The following CCDC158 variants were observed in gnomAD, a reference collection of about 807,000 sequenced individuals.
The protein encoded by CCDC158 is coiled-coil domain containing 158.
A neutral mutation model predicts 138.6 loss-of-function variants in CCDC158; 116 were observed. The observed-to-expected ratio is 0.84, with a 90% CI of 0.72 to 0.98. The LOEUF is 0.98. Ranked by LOEUF, CCDC158 falls within the 50% of genes least tolerant of loss-of-function variation. The pLI is 0.00. For missense variants in CCDC158, 1,265 were observed against 1,306.1 expected, an observed-to-expected ratio of 0.97 and a Z score of 0.48; for synonymous variants, 436 against 442.4, an observed-to-expected ratio of 0.99 and a Z score of 0.18.
intron 18 of CCDC158, among the ~76,000 whole-genome samples, chr4:76,346,281 C>T (rs1303293086): frequency 6.6e-6 from 1 of 152,142 alleles, no homozygotes; most frequent in Non-Finnish European, 1.5e-5. Flanking sequence ...ACCATAAAAA[C>T]CCTAGAAGAG....
intron 24 of CCDC158, among the ~76,000 whole-genome samples, chr4:76,317,893 C>T (rs1410875162): frequency 1.3e-5 from 2 of 152,100 alleles, no homozygotes; most frequent in Non-Finnish European, 2.9e-5. Flanking sequence ...ATTGAATAAT[C>T]TACTCTGGAA....
intron 12 of CCDC158, among the ~76,000 whole-genome samples, chr4:76,363,497 C>A (rs1724361404): frequency 6.6e-6 from 1 of 152,122 alleles, no homozygotes; most frequent in Non-Finnish European, 1.5e-5. Context: ...AACCTGGGGT[C>A]GGTCTTGGGG....
At chr4:76,380,159 G>T (rs1726098827) in intron 8 of CCDC158, among the ~76,000 whole-genome samples, 1 of 152,186 alleles carries the variant, frequency 6.6e-6, no homozygotes, top group Admixed American at 6.5e-5. Context: ...GTGGGGCACT[G>T]CTATAAAGAT....
chr4:76,414,320 G>A (rs1480438356), intron 1 of CCDC158: 1 of 152,066 alleles, frequency 6.6e-6, no homozygotes, highest in Non-Finnish European at 1.5e-5. Context: ...GGTGTTTCAA[G>A]TATCTTCATC....
In CCDC158 at chr4:76,372,312, G is replaced by C. The variant is rs554268291; in HGVS notation, c.1030-776C>G. 3.3e-5 allele frequency among the ~76,000 whole-genome samples: 5 copies of C among 152,252 alleles called. No homozygotes were observed. In the East Asian group the frequency reaches 5.8e-4, roughly 18 times the overall value. Reference sequence around the variant, plus strand: ...TTTTAAAGGTTAGCTGGCCATGGTGGTGCACACCTGGGGTCCCAGCTACTT... The same window carrying C: ...TTTTAAAGGTTAGCTGGCCATGGTGCTGCACACCTGGGGTCCCAGCTACTT... On this transcript the variant is annotated intron_variant, in intron 9 of 24. Transcript: ENST00000682701.
intron 4 of CCDC158, among the ~76,000 whole-genome samples, chr4:76,395,809 C>T (rs115282893): frequency 0.011 from 1,613 of 152,252 alleles, 26 homozygotes; most frequent in African/African-American, 0.037. Flanking sequence ...TTTGATTCTA[C>T]GTAATGTCCA....
At chr4:76,368,013 G>T (rs917075075) in intron 11 of CCDC158, among the ~76,000 whole-genome samples, 1 of 151,862 alleles carries the variant, frequency 6.6e-6, no homozygotes, top group African/African-American at 2.4e-5. Context: ...TTTCAGGGAT[G>T]AGCCACTGTA....
chr4:76,318,582 T>C (rs1719634418), intron 24 of CCDC158, among the ~76,000 whole-genome samples: 1 of 152,088 alleles, frequency 6.6e-6, no homozygotes, highest in African/African-American at 2.4e-5. Context: ...CTATCAGGCA[T>C]TAAAAAAGGA....
At chr4:76,402,968 C>A (rs1728529872) in intron 3 of CCDC158, among the ~76,000 whole-genome samples, 170 bp downstream of exon 3, 1 of 152,136 alleles carries the variant, frequency 6.6e-6, no homozygotes, top group Non-Finnish European at 1.5e-5. Flanking sequence ...CCTTAAAAGA[C>A]AAAGGAATCT....
At chr4:76,388,457 C>G (rs563304700) in intron 4 of CCDC158, among the ~76,000 whole-genome samples, 1 of 152,282 alleles carries the variant, frequency 6.6e-6, no homozygotes, top group South Asian at 2.1e-4. Context: ...TGGCAGAAAC[C>G]CCATGGACTA....
intron 9 of CCDC158, among the ~76,000 whole-genome samples, chr4:76,372,492 T>C (rs1267718240): frequency 1.3e-5 from 2 of 152,188 alleles, no homozygotes; most frequent in Non-Finnish European, 2.9e-5. Flanking sequence ...AGAGCCTAAA[T>C]AAATGAACTG....
chr4:76,395,695 G>A (rs1482336285), intron 4 of CCDC158, among the ~76,000 whole-genome samples: 1 of 152,208 alleles, frequency 6.6e-6, no homozygotes. Flanking sequence ...AGGCTAAAAT[G>A]TACCAGGGAG....
At chr4:76,408,520 C>T (rs1379406273) in intron 2 of CCDC158, among the ~76,000 whole-genome samples, 4 of 152,188 alleles carry the variant, frequency 2.6e-5, no homozygotes, top group Admixed American at 1.3e-4. Flanking sequence ...ATGAACTCAT[C>T]ATTTTTTATG....
Position 76,403,178 on chromosome 4 carries a change from A to T in CCDC158, c.30T>A (p.Asn10Lys). MESKAWESNNEDLLSSSGVT... is the reference protein window; with the variant it reads MESKAWESNKEDLLSSSGVT... ...CACCACTACTTGATAAAAGATCTTC[A>T]TTATTTGATTCCCAAGCTTTTGATT... The change falls in exon 3 of 25, where the codon AAT becomes AAA. Residue 10 changes from asparagine (N) to lysine (K), a missense_variant. By Grantham distance (94) the Asn-to-Lys change is moderately conservative. Coordinates refer to ENST00000682701, the MANE Select transcript of CCDC158 (RefSeq NM_001394954.1). 1 of 1,606,960 alleles carries T rather than the reference A, an allele frequency of 6.2e-7. No homozygotes were observed. Among genetic ancestry groups the T allele is most frequent in the Non-Finnish European group, 8.5e-7 (1 of 1,176,564 alleles).
At position 76,375,450 on chromosome 4, in the gene CCDC158, G is replaced by T. The variant is rs368627962; in HGVS notation, c.1029+3840C>A. ...TACAGGCCAGCATGGCGGTGCATTG[G>T]CAGAACTATGCAGAGGTTTGCACAG... On this transcript the variant is annotated intron_variant, in intron 9 of 24. Transcript: ENST00000682701. 4.0e-4 allele frequency: 232 copies of T among 573,214 alleles called. No homozygotes were observed. In the African/African-American group the frequency reaches 4.1e-3, roughly 10 times the overall value. The allele number at this position is 573,214 out of a possible 1,614,324, so 35.5% of individuals were successfully genotyped here.
chr4:76,366,295 A>G (rs1724650772), intron 12 of CCDC158, among the ~76,000 whole-genome samples: 1 of 152,160 alleles, frequency 6.6e-6, no homozygotes, highest in African/African-American at 2.4e-5. Context: ...AGAAAATTCT[A>G]TTTTTAATGC....
At chr4:76,414,422 A>G (rs573632329) in intron 1 of CCDC158, 41 of 152,340 alleles carry the variant, frequency 2.7e-4, no homozygotes, top group African/African-American at 9.1e-4. Flanking sequence ...TTATATTCCA[A>G]TGGGGAAAGA....
chr4:76,331,368 C>T lies in CCDC158; in HGVS notation c.2918G>A (p.Ser973Asn), dbSNP rs376541300. The T allele has an allele frequency of 6.6e-5, 107 of 1,613,842 alleles. No individual in the cohort carries two copies. Among genetic ancestry groups the T allele is most frequent in the Non-Finnish European group, 8.8e-5 (104 of 1,179,878 alleles). Residue 973 changes from serine to asparagine, a missense_variant, in exon 21 of 25, where the codon AGC (serine) becomes AAC (asparagine). Ser to Asn is a conservative substitution (Grantham distance 46). Transcript: ENST00000682701. ...NNSLRDSTEGSKSSETLSREP... is the reference protein window; with the variant it reads ...NNSLRDSTEGNKSSETLSREP... ...CCTACTAAGAGTTTCACTTGATTTG[C>T]TTCCTTCAGTGGAGTCCCTCAACGA...
intron 13 of CCDC158, among the ~76,000 whole-genome samples, chr4:76,361,363 C>A (rs1213464153): frequency 1.3e-5 from 2 of 152,078 alleles, no homozygotes; most frequent in African/African-American, 4.8e-5. Flanking sequence ...GAGATCGAGA[C>A]CATCCTGGCT....
Sources: allele counts gnomAD v4.1 joint callset (sites outside exome capture counted in the v4.1 genomes callset), GRCh38; gene constraint gnomAD v4.1.1; transcripts MANE v1.5; gene names NCBI Gene and HGNC (gene_info 2026-07-23, HGNC 2026-07-21).